The following RASEF variants were observed in gnomAD, a reference collection of about 807,000 sequenced individuals.
RASEF encodes RAS and EF-hand domain containing.
A neutral mutation model predicts 90.1 loss-of-function variants in RASEF; 68 were observed. The observed-to-expected ratio is 0.75, with a 90% CI of 0.62 to 0.92. The LOEUF (loss-of-function observed/expected upper bound fraction) is 0.92, where lower values mean the gene tolerates loss of function less well. Among genes scored for constraint, RASEF ranks in the 40% least tolerant of loss-of-function variants. RASEF has a pLI of 0.00. For missense variants in RASEF, 949 were observed against 937.2 expected (o/e 1.01, Z -0.16); for synonymous variants, 331 against 345.2 (o/e 0.96, Z 0.46).
chr9:83,147,547 C>A, the RASEF span, among the ~76,000 whole-genome samples: 1 of 152,118 alleles, frequency 6.6e-6, no homozygotes, highest in Non-Finnish European at 1.5e-5. Context: ...GGATGGTATA[C>A]AAGCCAGGGT....
chr9:83,049,697 C>A (rs1830006706), intron 1 of RASEF, among the ~76,000 whole-genome samples: 2 of 135,960 alleles, frequency 1.5e-5, no homozygotes, highest in African/African-American at 2.9e-5. Flanking sequence ...CCCCCTCCCC[C>A]GACCCCACCA....
At chr9:83,184,658 T>C in the RASEF span, among the ~76,000 whole-genome samples, 8 of 143,302 alleles carry the variant, frequency 5.6e-5, no homozygotes, top group East Asian at 1.6e-3. Flanking sequence ...AAAGACCAAA[T>C]TCACTTTGAA....
the RASEF span, among the ~76,000 whole-genome samples, chr9:83,072,027 G>A: frequency 6.6e-6 from 1 of 152,190 alleles, no homozygotes. Flanking sequence ...AGGAGGAGGA[G>A]TTAAAAATTT....
chr9:83,038,626 ATAAG>A (rs1244499386), intron 1 of RASEF, among the ~76,000 whole-genome samples: 1 of 151,824 alleles, frequency 6.6e-6, no homozygotes, highest in African/African-American at 2.4e-5. Flanking sequence ...TAATATTCAC[ATAAG>A]TGATAAGAAT....
At chr9:83,138,128 A>G in the RASEF span, among the ~76,000 whole-genome samples, 1 of 151,918 alleles carries the variant, frequency 6.6e-6, no homozygotes, top group Non-Finnish European at 1.5e-5. Context: ...TGCTTTTCCA[A>G]GCATCTAAGG....
chr9:83,132,621 C>T, the RASEF span, among the ~76,000 whole-genome samples: 1 of 152,142 alleles, frequency 6.6e-6, no homozygotes, highest in Admixed American at 6.5e-5. Flanking sequence ...TAGATTTTTG[C>T]TTTCCCCTTC....
At chr9:83,002,177 T>A (rs902897353) in intron 9 of RASEF, among the ~76,000 whole-genome samples, 3 of 152,128 alleles carry the variant, frequency 2.0e-5, no homozygotes, top group African/African-American at 7.2e-5. Flanking sequence ...AAAGGGAGAA[T>A]GGGCACGATA....
At chr9:83,197,058 C>T in the RASEF span, among the ~76,000 whole-genome samples, 1 of 152,370 alleles carries the variant, frequency 6.6e-6, no homozygotes, top group East Asian at 1.9e-4. Context: ...ACAGACCATG[C>T]AGACAATGGT....
the RASEF span, among the ~76,000 whole-genome samples, chr9:83,179,890 ATACT>A: frequency 2.6e-5 from 4 of 152,208 alleles, no homozygotes; most frequent in African/African-American, 9.6e-5. Flanking sequence ...AGAGGGCTTA[ATACT>A]TACAACGAGA....
chr9:83,108,954 C>A, the RASEF span, among the ~76,000 whole-genome samples: 4 of 152,242 alleles, frequency 2.6e-5, no homozygotes, highest in South Asian at 8.3e-4. Context: ...CAAGATAAAC[C>A]AAGAGCACCA....
At chr9:83,018,326 A>G (rs1829381109) in intron 3 of RASEF, among the ~76,000 whole-genome samples, 1 of 152,242 alleles carries the variant, frequency 6.6e-6, no homozygotes, top group Admixed American at 6.5e-5. Flanking sequence ...CTATACATTC[A>G]CAATGAACAA....
intron 6 of RASEF, 44 bp downstream of exon 6, chr9:83,009,597 T>G (rs1829201219): frequency 8.6e-7 from 1 of 1,167,488 alleles, no homozygotes; most frequent in Non-Finnish European, 1.3e-6. Context: ...GATGATCATC[T>G]CAATATTCTA....
chr9:83,162,647 A>G, the RASEF span, among the ~76,000 whole-genome samples: 3 of 152,216 alleles, frequency 2.0e-5, no homozygotes, highest in East Asian at 5.8e-4. Context: ...AATTCTTCTT[A>G]GGTCTGTATG....
chr9:82,990,575 A>T, intron 15 of RASEF, 108 bp from the exon 16 acceptor site: 1 of 694,728 alleles, frequency 1.4e-6, no homozygotes, highest in Non-Finnish European at 2.4e-6. Context: ...GAGCATGCTA[A>T]GAGTAACTAA....
Position 83,061,100 on chromosome 9 carries a change from A to G in RASEF, c.431+1337T>C, listed in dbSNP as rs189085555. On this transcript the variant is annotated intron_variant, in intron 1 of 16. Transcript: ENST00000376447. ...TACTTTTTTTAACTAGCTGCACCCA[A>G]ACTAAGTTACAGATGAAAGATGACT... Among the ~76,000 whole-genome samples the G allele has an allele frequency of 1.2e-3, 180 of 152,300 alleles. 2 individuals are homozygous for G. The highest frequency in any genetic ancestry group is 9.3e-3 in the Admixed American group (143 of 15,304).
the RASEF span, among the ~76,000 whole-genome samples, chr9:83,074,953 A>C: frequency 6.6e-6 from 1 of 152,070 alleles, no homozygotes; most frequent in African/African-American, 2.4e-5. Flanking sequence ...AAATGGTAGA[A>C]TGCAGGAAGA....
At chr9:83,164,621 A>G in the RASEF span, among the ~76,000 whole-genome samples, 1 of 151,136 alleles carries the variant, frequency 6.6e-6, no homozygotes, top group Non-Finnish European at 1.5e-5. Flanking sequence ...AGGAAAAAAA[A>G]AAAGAAGGCA....
the RASEF span, among the ~76,000 whole-genome samples, chr9:83,178,006 C>T: frequency 5.3e-5 from 8 of 151,978 alleles, no homozygotes; most frequent in African/African-American, 1.9e-4. Context: ...CTTTCTTTTG[C>T]CAGTAAAAAT....
intron 1 of RASEF, among the ~76,000 whole-genome samples, chr9:83,057,846 CATAT>C (rs66535022): frequency 0.027 from 3,922 of 143,306 alleles, 117 homozygotes; most frequent in African/African-American, 0.07. Flanking sequence ...TTCATATATA[CATAT>C]ATATATATAT....
Sources: gnomAD v4.1 joint callset for allele counts (sites outside exome capture counted in the v4.1 genomes callset) on GRCh38, gnomAD v4.1.1 for gene constraint, MANE v1.5 for transcripts, NCBI Gene and HGNC (gene_info 2026-07-23, HGNC 2026-07-21) for gene names.